The following TRPS1 variants were observed in gnomAD, a reference collection of about 807,000 sequenced individuals.
TRPS1 encodes the protein transcriptional repressor GATA binding 1, also known as zinc finger transcription factor Trps1.
Under a neutral mutation model 101.2 loss-of-function variants are expected in TRPS1, and 6 were observed. The observed-to-expected ratio is 0.06, with a 90% CI of 0.03 to 0.12. The LOEUF (loss-of-function observed/expected upper bound fraction) is 0.12, where lower values mean the gene tolerates loss of function less well. TRPS1 is among the 10% of genes least tolerant of loss of function. TRPS1 has a pLI of 1.00. For synonymous variants in TRPS1, 578 were observed against 589.8 expected (o/e 0.98, Z 0.29); for missense variants, 1,363 against 1,567.0 (o/e 0.87, Z 2.20).
chr8:115,651,652 A>G (rs1403461760), intron 1 of TRPS1, among the ~76,000 whole-genome samples: 1 of 152,238 alleles, frequency 6.6e-6, no homozygotes, highest in Non-Finnish European at 1.5e-5. Flanking sequence ...AAAGCCACAC[A>G]TAAACAGGAG....
At chr8:115,469,760 C>T (rs1241143499) in intron 5 of TRPS1, among the ~76,000 whole-genome samples, 1 of 152,168 alleles carries the variant, frequency 6.6e-6, no homozygotes, top group Non-Finnish European at 1.5e-5. Flanking sequence ...AACTCCTGAA[C>T]TCAGGTGATC....
At chr8:115,431,766 T>C (rs188584694) in intron 5 of TRPS1, among the ~76,000 whole-genome samples, 1 of 152,056 alleles carries the variant, frequency 6.6e-6, no homozygotes, top group East Asian at 1.9e-4. Flanking sequence ...AAAATAGATA[T>C]TTGATTCCTA....
rs1812834920 is a variant in TRPS1 at position 115,413,427 on chromosome 8, G to GC, written c.*595dup. The GC allele has an allele frequency of 6.5e-6, 1 of 152,812 alleles. No homozygotes were observed. Among genetic ancestry groups the GC allele is most frequent in the Admixed American group, 6.6e-5 (1 of 15,258 alleles). The allele number at this position is 152,812 out of a possible 1,614,324, so 9.5% of individuals were successfully genotyped here. A position where few individuals can be genotyped will look rare whatever the true frequency, so the allele number is the denominator to read the frequency against. ...CGTGCCACCATCTGTCATGTTGCTT[G>GC]CTGCACTCTAACCAAGCCTAACCAC... On this transcript the variant is annotated 3_prime_UTR_variant, in exon 7 of 7. Transcript: ENST00000395715.
rs1374247613 is a variant in TRPS1, at chr8:115,418,714, T to C, written c.2701-262A>G. 2.0e-5 allele frequency among the ~76,000 whole-genome samples: 3 copies of C among 152,242 alleles called. No homozygotes were observed. Among genetic ancestry groups the C allele is most frequent in the Admixed American group, 6.5e-5 (1 of 15,278 alleles). On this transcript the variant is annotated intron_variant, in intron 5 of 6. Coordinates refer to ENST00000395715, the MANE Select transcript of TRPS1 (RefSeq NM_014112.5). This position sits in a 1 kb window ranked among gnomAD's most constrained non-coding sequence, Gnocchi z 4.3. ...TTAACTTTTTGAACTTTGGGTTTTA[T>C]GGCTTTAATGATGGCTCCTAAATGC...
chr8:115,461,251 GGATAGATAGATAGATAGATAGATAGATA>G (rs67435707), intron 5 of TRPS1, among the ~76,000 whole-genome samples: 9 of 144,840 alleles, frequency 6.2e-5, no homozygotes, highest in Admixed American at 2.8e-4. Flanking sequence ...AAATAGACAA[GGATAGATAGATAGATAGATAGATAGATA>G]GATAGATAGA....
intron 5 of TRPS1, among the ~76,000 whole-genome samples, chr8:115,563,075 G>C (rs529767304): frequency 3.9e-5 from 6 of 151,922 alleles, no homozygotes; most frequent in African/African-American, 1.4e-4. Flanking sequence ...TTATGTGAAT[G>C]AAACACTTGT....
In TRPS1 at chr8:115,537,561, C is replaced by T. The variant is rs1036987710; in HGVS notation, c.2700+49440G>A. 3.3e-5 allele frequency among the ~76,000 whole-genome samples: 5 copies of T among 152,032 alleles called. No individual in the cohort carries two copies. The East Asian group carries it at 7.7e-4, about 23-fold the overall frequency. Reference sequence around the variant, plus strand: ...AAAATTTATTTAAATACCATGTTTACGTATTATAATAACTTGTCTTCTGAT... The same window carrying T: ...AAAATTTATTTAAATACCATGTTTATGTATTATAATAACTTGTCTTCTGAT... On this transcript the variant is annotated intron_variant, in intron 5 of 6. Coordinates refer to ENST00000395715, the MANE Select transcript of TRPS1 (RefSeq NM_014112.5).
chr8:115,528,774 G>T (rs934021299), intron 5 of TRPS1, among the ~76,000 whole-genome samples: 4 of 151,818 alleles, frequency 2.6e-5, no homozygotes, highest in Non-Finnish European at 5.9e-5. Flanking sequence ...GGCATATAAA[G>T]ATATATATAT....
chr8:115,467,396 G>C (rs1028049460), intron 5 of TRPS1, among the ~76,000 whole-genome samples: 1 of 150,958 alleles, frequency 6.6e-6, no homozygotes, highest in Non-Finnish European at 1.5e-5. Flanking sequence ...TGTGAATGGA[G>C]GATGCTCTTT....
intron 4 of TRPS1, among the ~76,000 whole-genome samples, chr8:115,592,499 A>G (rs954691006): frequency 2.0e-5 from 3 of 152,240 alleles, no homozygotes; most frequent in African/African-American, 7.2e-5. Flanking sequence ...TAAACTGCTC[A>G]ATCTTTCAGG....
At chr8:115,437,732 AC>A (rs1586273206) in intron 5 of TRPS1, among the ~76,000 whole-genome samples, 1 of 152,168 alleles carries the variant, frequency 6.6e-6, no homozygotes, top group Non-Finnish European at 1.5e-5. Flanking sequence ...CATTTCCAGT[AC>A]TATGTCTAGC....
rs1817979079 is a variant in TRPS1, at chr8:115,604,298, C to A, written c.1671G>T (p.Gly557=). The A allele has an allele frequency of 6.2e-7, 1 of 1,613,934 alleles. No individual in the cohort carries two copies. The highest frequency in any genetic ancestry group is 1.3e-5 in the African/African-American group (1 of 74,884). The change falls in exon 4 of 7, where the codon GGG becomes GGT. Residue 557 remains glycine, a synonymous_variant. Coordinates refer to ENST00000395715, the MANE Select transcript of TRPS1 (RefSeq NM_014112.5). The surrounding 1 kb of genome is among the most constrained non-coding windows in gnomAD (Gnocchi z 4.1). Reference sequence around the variant, plus strand: ...GCTGTTGATAATGACGGAGAAGTGGCCCCACTACAATTACATCAGGGCCAT... The same window carrying A: ...GCTGTTGATAATGACGGAGAAGTGGACCCACTACAATTACATCAGGGCCAT... ...KSHGPDVIVV[G]PLLRHYQQLH... is the part of the protein sequence containing the mutation.
At chr8:115,462,010 C>A (rs1032205275) in intron 5 of TRPS1, among the ~76,000 whole-genome samples, 1 of 152,168 alleles carries the variant, frequency 6.6e-6, no homozygotes, top group Non-Finnish European at 1.5e-5. Flanking sequence ...CAACACCTTT[C>A]ATCTTTCTAC....
At chr8:115,629,287 G>A (rs951058868) in intron 1 of TRPS1, among the ~76,000 whole-genome samples, 2 of 151,720 alleles carry the variant, frequency 1.3e-5, no homozygotes, top group Non-Finnish European at 2.9e-5. Context: ...AGCTATCTAT[G>A]TTAAAAGAAG....
chr8:115,497,911 G>A (rs989068871), intron 5 of TRPS1, among the ~76,000 whole-genome samples: 2 of 134,240 alleles, frequency 1.5e-5, no homozygotes, highest in African/African-American at 5.7e-5. Context: ...ATCCAAAAAG[G>A]AGAGGAGTAG....
intron 5 of TRPS1, among the ~76,000 whole-genome samples, chr8:115,569,927 T>C (rs541150740): frequency 2.0e-5 from 3 of 152,128 alleles, no homozygotes; most frequent in African/African-American, 4.8e-5. Context: ...AAAGAAGGTA[T>C]ATAAAAAATA....
rs1054834936 is a variant in TRPS1 at position 115,608,120 on chromosome 8, C to T, written c.967-3118G>A. On this transcript the variant is annotated intron_variant, in intron 3 of 6. Coordinates refer to ENST00000395715, the MANE Select transcript of TRPS1 (RefSeq NM_014112.5). ...ACTTTTCAAATGGCTGAATCCATCA[C>T]GGAGTAGGAAAATTTACTGCTTCTT... 4.6e-5 allele frequency among the ~76,000 whole-genome samples: 7 copies of T among 152,214 alleles called. No homozygotes were observed. In the East Asian group the frequency reaches 1.4e-3, roughly 29 times the overall value.
chr8:115,667,569 AG>A (rs1159284222), intron 1 of TRPS1, among the ~76,000 whole-genome samples: 1 of 152,142 alleles, frequency 6.6e-6, no homozygotes, highest in Non-Finnish European at 1.5e-5. Flanking sequence ...CGCATCGCAG[AG>A]GAAGTCTGCC....
chr8:115,550,111 G>C (rs1174225344), intron 5 of TRPS1, among the ~76,000 whole-genome samples: 1 of 152,106 alleles, frequency 6.6e-6, no homozygotes, highest in African/African-American at 2.4e-5. Context: ...CAGCTACTTG[G>C]GAGGCTGCGA....
Sources: allele counts gnomAD v4.1 joint callset (sites outside exome capture counted in the v4.1 genomes callset), GRCh38; gene constraint gnomAD v4.1.1; non-coding constraint Gnocchi (gnomAD v3.1); transcripts MANE v1.5; gene names NCBI Gene and HGNC (gene_info 2026-07-23, HGNC 2026-07-21).